The following CDH18 variants were observed in gnomAD, a reference collection of about 807,000 sequenced individuals.
CDH18 encodes the protein cadherin 18, also known as cadherin-18.
In CDH18, 31 loss-of-function variants were observed where a neutral mutation model predicts 67.9. That is an observed-to-expected ratio of 0.46 (90% CI 0.34 to 0.62). The LOEUF is 0.62. Among genes scored for constraint, CDH18 ranks in the 20% least tolerant of loss-of-function variants. The pLI is 0.01. For synonymous variants in CDH18, 362 were observed against 347.2 expected, an observed-to-expected ratio of 1.04 and a Z score of -0.48; for missense variants, 890 against 975.5, an observed-to-expected ratio of 0.91 and a Z score of 1.17.
intron 2 of CDH18, among the ~76,000 whole-genome samples, chr5:19,911,611 C>T (rs536705534): frequency 2.6e-5 from 4 of 151,890 alleles, no homozygotes; most frequent in Non-Finnish European, 5.9e-5. Context: ...CCTCCCTTTC[C>T]CTGCTATGTG....
chr5:20,251,219 ATAATT>A (rs1743833696), intron 2 of CDH18, among the ~76,000 whole-genome samples: 1 of 152,144 alleles, frequency 6.6e-6, no homozygotes, highest in Non-Finnish European at 1.5e-5. Flanking sequence ...AACATAATAA[ATAATT>A]TAATAATAAA....
chr5:19,737,983 T>A (rs1226187874), intron 4 of CDH18, among the ~76,000 whole-genome samples: 1 of 152,148 alleles, frequency 6.6e-6, no homozygotes, highest in Non-Finnish European at 1.5e-5. Flanking sequence ...ATTTATGTAA[T>A]GAATAAGAAT....
intron 4 of CDH18, among the ~76,000 whole-genome samples, chr5:19,732,314 T>C (rs1392654687): frequency 1.3e-5 from 2 of 151,714 alleles, no homozygotes; most frequent in Admixed American, 1.3e-4. Context: ...ATTATACAGA[T>C]GTTGTGGCAC....
At chr5:19,663,443 G>A (rs554198983) in intron 5 of CDH18, among the ~76,000 whole-genome samples, 231 of 152,064 alleles carry the variant, frequency 1.5e-3, no homozygotes, top group African/African-American at 5.4e-3. Context: ...ATTTGAGTTT[G>A]AGTGTCTGTA....
chr5:20,312,582 T>A (rs1737092685), intron 1 of CDH18, among the ~76,000 whole-genome samples: 1 of 151,922 alleles, frequency 6.6e-6, no homozygotes. Context: ...CCTAATGCTG[T>A]CCCACTCATA....
intron 2 of CDH18, among the ~76,000 whole-genome samples, chr5:19,848,907 T>C (rs1783322439): frequency 6.7e-6 from 1 of 149,932 alleles, no homozygotes; most frequent in Admixed American, 6.7e-5. Context: ...TGTGTATATA[T>C]ACATTTTATA....
chr5:20,280,932 T>G (rs2126698847), intron 1 of CDH18, among the ~76,000 whole-genome samples: 1 of 152,348 alleles, frequency 6.6e-6, no homozygotes, highest in Non-Finnish European at 1.5e-5. Context: ...TCATTGTGGT[T>G]TTGATTTGCA....
At chr5:19,909,104 T>G (rs1032381072) in intron 2 of CDH18, among the ~76,000 whole-genome samples, 1 of 152,112 alleles carries the variant, frequency 6.6e-6, no homozygotes, top group African/African-American at 2.4e-5. Context: ...ACAGGAGAAA[T>G]AGCCGTTTTC....
chr5:19,941,626 GA>G (rs1207743472), intron 2 of CDH18, among the ~76,000 whole-genome samples: 1 of 150,862 alleles, frequency 6.6e-6, no homozygotes, highest in Admixed American at 6.6e-5. Flanking sequence ...CTACAAAAAA[GA>G]AAAAAAAGAG....
chr5:19,748,029 C>A (rs6887151), intron 3 of CDH18, among the ~76,000 whole-genome samples: 1 of 140,488 alleles, frequency 7.1e-6, no homozygotes, highest in South Asian at 2.3e-4. Context: ...AGGAAAATGG[C>A]GTGAACCTGG....
intron 2 of CDH18, among the ~76,000 whole-genome samples, chr5:20,152,142 T>G (rs1471551052): frequency 6.9e-6 from 1 of 145,482 alleles, no homozygotes; most frequent in Non-Finnish European, 1.5e-5. Flanking sequence ...ATTACACAAA[T>G]TATATATAAT....
chr5:20,550,577 T>A (rs1757577254), intron 1 of CDH18, among the ~76,000 whole-genome samples: 1 of 152,182 alleles, frequency 6.6e-6, no homozygotes, highest in South Asian at 2.1e-4. Flanking sequence ...GCATGCCACA[T>A]ACTCAGAGAC....
rs10654722 is a variant in CDH18 at position 19,987,253 on chromosome 5, AACACACAC to A, written c.-376+825_-376+832del. Among the ~76,000 whole-genome samples the A allele has an allele frequency of 2.2e-3, 322 of 144,434 alleles. 5 individuals are homozygous for A. Among genetic ancestry groups the A allele is most frequent in the East Asian group, 3.4e-3 (17 of 4,940 alleles). 94.8% of individuals were successfully genotyped at this position (144,434 alleles called of 152,430 possible). A position where few individuals can be genotyped will look rare whatever the true frequency, so the allele number is the denominator to read the frequency against. On this transcript the variant is annotated intron_variant, in intron 1 of 12. Coordinates refer to ENST00000382275, the MANE Select transcript of CDH18 (RefSeq NM_004934.5). ...TGCCTAGAGCCACATCTGTACAGAC[AACACACAC>A]ACACACACACACACACACACACACA...
At chr5:19,943,400 A>T (rs1441569523) in intron 2 of CDH18, among the ~76,000 whole-genome samples, 1 of 152,112 alleles carries the variant, frequency 6.6e-6, no homozygotes, top group African/African-American at 2.4e-5. Flanking sequence ...TATTTCAAGG[A>T]GATATAGAAG....
chr5:19,540,912 C>A (rs1345621953), intron 9 of CDH18, among the ~76,000 whole-genome samples: 1 of 152,166 alleles, frequency 6.6e-6, no homozygotes, highest in Non-Finnish European at 1.5e-5. Flanking sequence ...CATTTGGCTC[C>A]TTGTTACTTA....
chr5:20,338,603 C>A (rs1739984332), intron 1 of CDH18, among the ~76,000 whole-genome samples: 1 of 152,186 alleles, frequency 6.6e-6, no homozygotes, highest in Non-Finnish European at 1.5e-5. Flanking sequence ...GGGAGGGAAC[C>A]AGTATGAAGG....
At chr5:19,933,183 G>A (rs1310093775) in intron 2 of CDH18, among the ~76,000 whole-genome samples, 1 of 151,258 alleles carries the variant, frequency 6.6e-6, no homozygotes, top group African/African-American at 2.4e-5. Context: ...ATTTAACCAG[G>A]ATAAGAAGAG....
At chr5:20,504,928 C>T (rs914438254) in intron 1 of CDH18, among the ~76,000 whole-genome samples, 1 of 151,746 alleles carries the variant, frequency 6.6e-6, no homozygotes, top group Non-Finnish European at 1.5e-5. Flanking sequence ...CCACCACGCC[C>T]GGCTAATTTT....
chr5:20,180,436 A>G lies in CDH18; in HGVS notation c.-518+75008T>C, dbSNP rs142873870. On this transcript the variant is annotated intron_variant, in intron 2 of 14. Coordinates refer to the CDH18 transcript ENST00000507958. ...GCTGCAACTGTTACTGCTGATTAAT[A>G]TCTTGCTAATCGTAGGTTATTGAAA... Among the ~76,000 whole-genome samples the G allele has an allele frequency of 3.3e-5, 5 of 152,266 alleles. No homozygotes were observed. The East Asian group carries it at 7.7e-4, about 24-fold the overall frequency.
Sources: allele counts gnomAD v4.1 joint callset (sites outside exome capture counted in the v4.1 genomes callset), GRCh38; gene constraint gnomAD v4.1.1; transcripts MANE v1.5; gene names NCBI Gene and HGNC (gene_info 2026-07-23, HGNC 2026-07-21).